The following LMF2 variants were observed in gnomAD, a reference collection of about 807,000 sequenced individuals.
LMF2 encodes transmembrane protein 112B.
In LMF2, 113 loss-of-function variants were observed where a neutral mutation model predicts 81.5. The observed-to-expected ratio is 1.39, with a 90% CI of 1.19 to 1.62. LMF2 has a LOEUF of 1.62. Among genes scored for constraint, LMF2 ranks in the 40% most tolerant of loss-of-function variants. LMF2 has a pLI of 0.00. For missense variants in LMF2, 1,235 were observed against 929.1 expected, an observed-to-expected ratio of 1.33 and a Z score of -4.28; for synonymous variants, 645 against 424.5, an observed-to-expected ratio of 1.52 and a Z score of -6.39.
chr22:50,504,537 AC>A, intron 11 of LMF2, 21 bp downstream of exon 11: 3 of 1,315,576 alleles, frequency 2.3e-6, no homozygotes, highest in Non-Finnish European at 2.0e-6. Context: ...CCCACTCCAC[AC>A]CCCCCAAGCC....
Position 50,503,921 on chromosome 22 carries a change from T to C in LMF2, c.1719-17A>G, listed in dbSNP as rs1265417821. ...CACCACTGGCTGCAGCAGGACCCGATGTTCAGAAGCTGGAGGCACCCCGGG... is the reference window on the plus strand; with the variant it reads ...CACCACTGGCTGCAGCAGGACCCGACGTTCAGAAGCTGGAGGCACCCCGGG... On this transcript the variant is annotated splice_polypyrimidine_tract_variant and intron_variant, in intron 12 of 13. Coordinates refer to ENST00000474879, the MANE Select transcript of LMF2 (RefSeq NM_033200.3). 30 of 1,602,664 alleles carry C rather than the reference T, an allele frequency of 1.9e-5. No individual in the cohort carries two copies. Among genetic ancestry groups the C allele is most frequent in the Middle Eastern group, 1.6e-4 (1 of 6,078 alleles).
chr22:50,505,202 C>T lies in LMF2; in HGVS notation c.1157+27G>A, dbSNP rs555472171. The stretch of plus-strand genomic sequence containing the variant: ...TCAGGCCGGCCCTGCACACCTGTGC[C>T]CCCTCCCTGCTTCCTGGGCCATGTA... On this transcript the variant is annotated intron_variant, in intron 8 of 13. Transcript: ENST00000474879. 1.1e-5 allele frequency: 18 copies of T among 1,612,668 alleles called. No individual in the cohort carries two copies. In the East Asian group the frequency reaches 2.7e-4, roughly 24 times the overall value.
chr22:50,505,426 T>C lies in LMF2; in HGVS notation c.1028A>G (p.Gln343Arg). 1 of 1,613,064 alleles carries C rather than the reference T, an allele frequency of 6.2e-7. No individual in the cohort carries two copies. Among genetic ancestry groups the C allele is most frequent in the African/African-American group, 1.3e-5 (1 of 75,068 alleles). Residue 343 changes from glutamine to arginine, a missense_variant, in exon 7 of 14, where the codon CAG becomes CGG. Gln to Arg is a conservative substitution (Grantham distance 43). Coordinates refer to ENST00000474879, the MANE Select transcript of LMF2 (RefSeq NM_033200.3). ...ACTGGTTCTGGAGTGGATGGTGCGCTGCTGCCAGTCAACCTCCAGGCCAAA... is the reference window on the plus strand; with the variant it reads ...ACTGGTTCTGGAGTGGATGGTGCGCCGCTGCCAGTCAACCTCCAGGCCAAA... ...HYFGLEVDWQ[Q>R]RTIHSRTTFT...
rs369032081 is a variant in LMF2, at chr22:50,506,273, C to T, written c.595+12G>A. The T allele has an allele frequency of 3.3e-5, 51 of 1,548,404 alleles. No homozygotes were observed. In the Middle Eastern group the frequency reaches 8.3e-4, roughly 25 times the overall value. ...CCCCCAGACTACCCCAGGTCCAGAC[C>T]GGGCCCCTCACCAGTGAGCCCCCAC... On this transcript the variant is annotated intron_variant, in intron 4 of 13. Coordinates refer to ENST00000474879, the MANE Select transcript of LMF2 (RefSeq NM_033200.3).
Position 50,505,291 on chromosome 22 carries a change from C to T in LMF2, c.1095G>A (p.Thr365=), listed in dbSNP as rs545983030. The change falls in exon 8 of 14, where the codon ACG becomes ACA. Residue 365 remains threonine (T), a synonymous_variant. Coordinates refer to ENST00000474879, the MANE Select transcript of LMF2 (RefSeq NM_033200.3). The part of the protein sequence containing the change: ...HQFSQWLKTL[T]LPTVWLGVAS... ...CCACACCCAGCCACACAGTGGGCAGCGTCAGTGTCTTCAGCCACTGAGAAA... is the reference window on the plus strand; with the variant it reads ...CCACACCCAGCCACACAGTGGGCAGTGTCAGTGTCTTCAGCCACTGAGAAA... 36 of 1,613,294 alleles carry T rather than the reference C, an allele frequency of 2.2e-5. No homozygotes were observed. Among genetic ancestry groups the T allele is most frequent in the South Asian group, 8.8e-5 (8 of 91,092 alleles).
In LMF2 at chr22:50,506,449, C is replaced by T; in HGVS notation, c.431G>A (p.Arg144Lys). ...GFLAVLVAPL[R>K]PASHRKEAPQ... ...GGCCTCCTTGCGGTGGGAGGCTGGC[C>T]TCAGCGGGGCCACCAGCACGGCCAG... The change falls in exon 4 of 14, where the codon AGG becomes AAG. Residue 144 changes from arginine (R) to lysine (K), a missense_variant. By Grantham distance (26) the Arg-to-Lys change is conservative. Transcript: ENST00000474879. The T allele has an allele frequency of 6.4e-7, 1 of 1,550,460 alleles. No homozygotes were observed. The highest frequency in any genetic ancestry group is 8.7e-7 in the Non-Finnish European group (1 of 1,148,594).
At position 50,506,173 on chromosome 22, in the gene LMF2, G is replaced by T; in HGVS notation, c.636C>A (p.Pro212=). 6.4e-7 allele frequency: 1 copy of T among 1,564,196 alleles called. No individual in the cohort carries two copies. The highest frequency in any genetic ancestry group is 8.7e-7 in the Non-Finnish European group (1 of 1,154,444). ...YHYETQCLPT[P]AAWFAHHLPV... ...GCAGGTGGTGTGCGAACCAGGCGGC[G>T]GGCGTGGGCAGGCACTGGGTCTCGT... Residue 212 remains proline (P), a synonymous_variant, in exon 5 of 14, where the codon CCC becomes CCA. Transcript: ENST00000474879.
chr22:50,506,714 G>A (rs745465395), intron 2 of LMF2, 48 bp from the exon 3 acceptor site: 11 of 1,613,290 alleles, frequency 6.8e-6, no homozygotes, highest in Middle Eastern at 1.6e-4. Context: ...GTGGACTCAG[G>A]TAAGGTAGAG....
In LMF2 at chr22:50,506,073, G is replaced by T. The variant is rs1282196714; in HGVS notation, c.736C>A (p.Pro246Thr). 1 of 1,592,346 alleles carries T rather than the reference G, an allele frequency of 6.3e-7. No individual in the cohort carries two copies. Among genetic ancestry groups the T allele is most frequent in the Admixed American group, 1.8e-5 (1 of 56,300 alleles). ...GCAGCCAAGCGCAGGCGTCGAATGGGGGCGAAGAACAGGGGCGGCACAGCG... is the reference window on the plus strand; with the variant it reads ...GCAGCCAAGCGCAGGCGTCGAATGGTGGCGAAGAACAGGGGCGGCACAGCG... ...EIAVPPLFFA[P>T]IRRLRLAAFY... The change falls in exon 5 of 14, where the codon CCC becomes ACC. Residue 246 changes from proline to threonine, a missense_variant. Transcript: ENST00000474879.
chr22:50,506,469 G>A lies in LMF2; in HGVS notation c.411C>T (p.Ala137=), dbSNP rs541842659. 24 of 1,552,122 alleles carry A rather than the reference G, an allele frequency of 1.5e-5. No homozygotes were observed. Among genetic ancestry groups the A allele is most frequent in the East Asian group, 4.8e-5 (2 of 41,836 alleles). The change falls in exon 4 of 14, where the codon GCC becomes GCT. Residue 137 remains alanine (A), a synonymous_variant. Transcript: ENST00000474879. ...CTGGCCTCAGCGGGGCCACCAGCACGGCCAGGAAGCCAGTCTCTAGCAGCA... is the reference window on the plus strand; with the variant it reads ...CTGGCCTCAGCGGGGCCACCAGCACAGCCAGGAAGCCAGTCTCTAGCAGCA... The part of the protein sequence containing the change: ...DSLLLETGFL[A]VLVAPLRPAS...
chr22:50,503,711 AGGGAG>A lies in LMF2; in HGVS notation c.1816-17_1816-13del. 1 of 550,754 alleles carries A rather than the reference AGGGAG, an allele frequency of 1.8e-6. No homozygotes were observed. Among genetic ancestry groups the A allele is most frequent in the Non-Finnish European group, 3.2e-6 (1 of 314,548 alleles). The allele number at this position is 550,754 out of a possible 1,614,324, so 34.1% of individuals were successfully genotyped here. A position where few individuals can be genotyped will look rare whatever the true frequency, so the allele number is the denominator to read the frequency against. On this transcript the variant is annotated splice_polypyrimidine_tract_variant and intron_variant, in intron 13 of 13. Transcript: ENST00000474879. ...GGTGGGCTTTTCTCCTGTGGGAGGG[AGGGAG>A]GGAGGGAGGTTGGGGAAGTGCTTAC...
Position 50,504,562 on chromosome 22 carries a change from G to A in LMF2, c.1603C>T (p.Pro535Ser), listed in dbSNP as rs376209693. Reference sequence around the variant, plus strand: ...ACCCCCCAAGCCCGCTCCGCACCTGGCTCCTTGCCCTGCAGCAGGCGCAAG... The same window carrying A: ...ACCCCCCAAGCCCGCTCCGCACCTGACTCCTTGCCCTGCAGCAGGCGCAAG... Reference protein sequence around the residue: ...LVLRLLQGKEPVIRLVQSQVA... With the variant: ...LVLRLLQGKESVIRLVQSQVA... Residue 535 changes from proline (P) to serine (S), a missense_variant, in exon 11 of 14, where the codon CCA becomes TCA. Transcript: ENST00000474879. 4.3e-5 allele frequency: 69 copies of A among 1,591,170 alleles called. 2 individuals carry two copies. The highest frequency in any genetic ancestry group is 4.0e-4 in the African/African-American group (30 of 74,532).
In LMF2 at chr22:50,504,715, T is replaced by G. The variant is rs773156059; in HGVS notation, c.1450A>C (p.Met484Leu). Reference sequence around the variant, plus strand: ...CGGCTCAGGTTCCCAGGCTTGTACATGAACTCGATCTCCTGCCAGGCAGGC... The same window carrying G: ...CGGCTCAGGTTCCCAGGCTTGTACAGGAACTCGATCTCCTGCCAGGCAGGC... ...DGHHWTEIEF[M>L]YKPGNLSRPP... The change falls in exon 11 of 14, where the codon ATG becomes CTG. Residue 484 changes from methionine to leucine, a missense_variant. Physicochemically the swap from Met to Leu is conservative, Grantham distance 15. Transcript: ENST00000474879. 1.2e-6 allele frequency: 2 copies of G among 1,609,978 alleles called. No individual in the cohort carries two copies. The highest frequency in any genetic ancestry group is 1.7e-4 in the Middle Eastern group (1 of 6,044).
At position 50,506,043 on chromosome 22, in the gene LMF2, A is replaced by G. The variant is rs1489360044; in HGVS notation, c.766T>C (p.Tyr256His). The change falls in exon 5 of 14, where the codon TAC (tyrosine) becomes CAC (histidine). Residue 256 changes from tyrosine to histidine, a missense_variant. By Grantham distance (83) the Tyr-to-His change is moderately conservative. Transcript: ENST00000474879. The part of the protein sequence containing the change: ...PIRRLRLAAF[Y>H]SQVLLQVLII... ...CTGCGGCCCTCACCCACCTGCGAGTAGAAAGCAGCCAAGCGCAGGCGTCGA... is the reference window on the plus strand; with the variant it reads ...CTGCGGCCCTCACCCACCTGCGAGTGGAAAGCAGCCAAGCGCAGGCGTCGA... 6.3e-7 allele frequency: 1 copy of G among 1,585,806 alleles called. No individual in the cohort carries two copies. The highest frequency in any genetic ancestry group is 8.6e-7 in the Non-Finnish European group (1 of 1,166,072).
Position 50,506,126 on chromosome 22 carries a change from C to T in LMF2, c.683G>A (p.Ser228Asn), listed in dbSNP as rs1279740340. ...CTCAATTAGGAAGGTGGCCACCACG[C>T]TGAGCTTGTGCAGCCAGACCGGCAG... ...HHLPVWLHKL[S>N]VVATFLIEIA... The change falls in exon 5 of 14, where the codon AGC becomes AAC. Residue 228 changes from serine (S) to asparagine (N), a missense_variant. Coordinates refer to ENST00000474879, the MANE Select transcript of LMF2 (RefSeq NM_033200.3). 1 of 1,580,602 alleles carries T rather than the reference C, an allele frequency of 6.3e-7. No homozygotes were observed. The highest frequency in any genetic ancestry group is 8.6e-7 in the Non-Finnish European group (1 of 1,163,422).
In LMF2 at chr22:50,503,557, T is replaced by C; in HGVS notation, c.1958A>G (p.Gln653Arg). The C allele has an allele frequency of 6.5e-7, 1 of 1,541,876 alleles. No homozygotes were observed. The highest frequency in any genetic ancestry group is 1.2e-5 in the South Asian group (1 of 81,772). ...LMAVGAVRFVQALLAPCSLRS... is the reference protein window; with the variant it reads ...LMAVGAVRFVRALLAPCSLRS... ...GAGAGAACAGGGTGCTAGCAGGGCT[T>C]GCACAAATCTGACAGCCCCCACGGC... The change falls in exon 14 of 14, where the codon CAA (glutamine) becomes CGA (arginine). Residue 653 changes from glutamine (Q) to arginine (R), a missense_variant. Gln to Arg is a conservative substitution (Grantham distance 43). Transcript: ENST00000474879.
Position 50,504,475 on chromosome 22 carries a change from GC to G in LMF2, c.1607-25del, listed in dbSNP as rs1250047109. The G allele has an allele frequency of 7.5e-6, 12 of 1,600,952 alleles. No homozygotes were observed. In the African/African-American group the frequency reaches 1.3e-4, roughly 18 times the overall value. On this transcript the variant is annotated intron_variant, in intron 11 of 13. Transcript: ENST00000474879. ...CACTGCAGCGAGAGGCATCAGCGTG[GC>G]CCCCACAGTACCCGCCCTGCCCCTC...
chr22:50,504,664 G>A lies in LMF2; in HGVS notation c.1501C>T (p.Gln501Ter), dbSNP rs746058120. The A allele has an allele frequency of 1.9e-6, 3 of 1,608,986 alleles. No homozygotes were observed. The highest frequency in any genetic ancestry group is 1.1e-5 in the South Asian group (1 of 91,022). ...SRPPPVVVPH[Q>*]PRLDWQMWFA... ...CACATCTGCCAGTCCAGGCGTGGCT[G>A]GTGGGGCACCACAACCGGGGGCGGC... The change falls in exon 11 of 14, where the codon CAG (glutamine) becomes TAG (stop). Residue 501 changes from glutamine to a stop codon, truncating the protein, a stop_gained. Transcript: ENST00000474879. LOFTEE classifies it high-confidence loss of function.
In LMF2 at chr22:50,503,688, T is replaced by A; in HGVS notation, c.1827A>T (p.Pro609=). 1.4e-6 allele frequency: 1 copy of A among 735,900 alleles called. No individual in the cohort carries two copies. Among genetic ancestry groups the A allele is most frequent in the Middle Eastern group, 2.9e-4 (1 of 3,448 alleles). The allele number at this position is 735,900 out of a possible 1,614,324, so 45.6% of individuals were successfully genotyped here. ...LRQFGLQEKS[P]PRTRSANSTL... ...TGCTGTTGGCGCTGCGGGTGCGAGG[T>A]GGGCTTTTCTCCTGTGGGAGGGAGG... Residue 609 remains proline, a synonymous_variant, in exon 14 of 14, where the codon CCA becomes CCT. Coordinates refer to ENST00000474879, the MANE Select transcript of LMF2 (RefSeq NM_033200.3).
Sources: gnomAD v4.1 joint callset for allele counts on GRCh38, gnomAD v4.1.1 for gene constraint, MANE v1.5 for transcripts, NCBI Gene and HGNC (gene_info 2026-07-23, HGNC 2026-07-21) for gene names.